KIAA0513: variants seen among roughly 807,000 people sequenced by gnomAD.
The protein encoded by KIAA0513 is KIAA0513.
KIAA0513 carries 39 observed loss-of-function variants against 56.5 expected under a neutral mutation model. The ratio of observed to expected loss-of-function variants is 0.69; its 90% confidence interval spans 0.53 to 0.90. The LOEUF is 0.90. Ranked by LOEUF, KIAA0513 falls within the 40% of genes least tolerant of loss-of-function variation. KIAA0513 has a pLI of 0.00. For synonymous variants in KIAA0513, 268 were observed against 215.6 expected, an observed-to-expected ratio of 1.24 and a Z score of -2.13; for missense variants, 591 against 535.2, an observed-to-expected ratio of 1.10 and a Z score of -1.03.
In KIAA0513 at chr16:85,090,108, A is replaced by G. The variant is rs889028594; in HGVS notation, c.*1783A>G. On this transcript the variant is annotated 3_prime_UTR_variant, in exon 13 of 13. Coordinates refer to ENST00000683363, the MANE Select transcript of KIAA0513 (RefSeq NM_001388359.1). Reference sequence around the variant, plus strand: ...ACCCTTCCCCCATCATTGGGCCCCAACGGGCATGTCTCCACCGAATCCATT... The same window carrying G: ...ACCCTTCCCCCATCATTGGGCCCCAGCGGGCATGTCTCCACCGAATCCATT... 2 of 151,924 alleles carry G rather than the reference A, an allele frequency of 1.3e-5. No individual in the cohort carries two copies. The highest frequency in any genetic ancestry group is 1.5e-5 in the Non-Finnish European group (1 of 68,026). The allele number at this position is 151,924 out of a possible 1,614,324, so 9.4% of individuals were successfully genotyped here.
chr16:85,054,716 C>T (rs539419079), intron 1 of KIAA0513, among the ~76,000 whole-genome samples: 2 of 152,206 alleles, frequency 1.3e-5, no homozygotes, highest in Admixed American at 6.5e-5. Flanking sequence ...AGGCATGAGC[C>T]ACCACGCCCA....
At chr16:85,078,594 C>G in intron 7 of KIAA0513, 139 bp downstream of exon 7, 1 of 778,630 alleles carries the variant, frequency 1.3e-6, no homozygotes, top group South Asian at 1.6e-5. Flanking sequence ...CCAGTTGCTT[C>G]CCAGCTCCCG....
intron 2 of KIAA0513, among the ~76,000 whole-genome samples, chr16:85,071,405 A>G (rs996795816): frequency 6.6e-6 from 1 of 152,208 alleles, no homozygotes; most frequent in Non-Finnish European, 1.5e-5. Flanking sequence ...ATCAAAAACT[A>G]GTGGGAAGTC....
At chr16:85,039,721 C>T (rs67510251) in intron 1 of KIAA0513, among the ~76,000 whole-genome samples, 9,708 of 152,142 alleles carry the variant, frequency 0.064, 950 homozygotes, top group African/African-American at 0.21. Flanking sequence ...GATCCCCCTG[C>T]CTCAGCCTGC....
At chr16:85,082,777 C>T (rs1051447285) in intron 10 of KIAA0513, among the ~76,000 whole-genome samples, 184 bp downstream of exon 10, 5 of 152,204 alleles carry the variant, frequency 3.3e-5, no homozygotes, top group Non-Finnish European at 7.3e-5. Flanking sequence ...GGCAGGCTGG[C>T]AATGCGTCCC....
intron 10 of KIAA0513, among the ~76,000 whole-genome samples, chr16:85,083,107 G>A (rs1218619073): frequency 3.3e-5 from 5 of 152,206 alleles, no homozygotes; most frequent in South Asian, 2.1e-4. Flanking sequence ...TCCTGGGGCC[G>A]CCAGTTTGAG....
chr16:85,027,956 T>C (rs1435146187), intron 1 of KIAA0513, 98 bp downstream of exon 1: 2 of 132,178 alleles, frequency 1.5e-5, no homozygotes, highest in Non-Finnish European at 3.2e-5. Flanking sequence ...CTGCGAGGGG[T>C]GACAGCTGGG....
At chr16:85,031,262 C>G (rs1288691934) in intron 1 of KIAA0513, among the ~76,000 whole-genome samples, 5 of 152,136 alleles carry the variant, frequency 3.3e-5, no homozygotes, top group Non-Finnish European at 7.4e-5. Context: ...GGGCGGATCA[C>G]TTGAGCCCAG....
Position 85,094,038 on chromosome 16 carries a change from C to T in KIAA0513, c.*5713C>T, listed in dbSNP as rs138925846. On this transcript the variant is annotated 3_prime_UTR_variant, in exon 13 of 13. Coordinates refer to ENST00000683363, the MANE Select transcript of KIAA0513 (RefSeq NM_001388359.1). ...AGTGACACCAGTATCTTCTCTGTTGCATTTTTGCAATCTTGTGTCCCGCTC... is the reference window on the plus strand; with the variant it reads ...AGTGACACCAGTATCTTCTCTGTTGTATTTTTGCAATCTTGTGTCCCGCTC... 635 of 152,274 alleles carry T rather than the reference C, an allele frequency of 4.2e-3. 2 individuals carry two copies. Among genetic ancestry groups the T allele is most frequent in the Non-Finnish European group, 5.4e-3 (368 of 68,022 alleles). 9.4% of individuals were successfully genotyped at this position (152,274 alleles called of 1,614,324 possible). A position where few individuals can be genotyped will look rare whatever the true frequency, so the allele number is the denominator to read the frequency against.
Position 85,066,993 on chromosome 16 carries a change from C to G in KIAA0513, c.-79C>G. On this transcript the variant is annotated 5_prime_UTR_variant, in exon 2 of 13. Transcript: ENST00000683363. ...TGAGCTTGGTGGGCTCCTACTAACG[C>G]ACCTGGGACACCAGGCTGCTGGGCT... is the stretch of plus-strand genomic sequence containing the variant. 7.6e-7 allele frequency: 1 copy of G among 1,315,342 alleles called. No individual in the cohort carries two copies. The highest frequency in any genetic ancestry group is 1.4e-5 in the South Asian group (1 of 69,870). The allele number at this position is 1,315,342 out of a possible 1,614,324, so 81.5% of individuals were successfully genotyped here. A position where few individuals can be genotyped will look rare whatever the true frequency, so the allele number is the denominator to read the frequency against.
At chr16:85,065,783 A>G (rs907272982) in intron 1 of KIAA0513, among the ~76,000 whole-genome samples, 1 of 152,184 alleles carries the variant, frequency 6.6e-6, no homozygotes, top group Admixed American at 6.5e-5. Context: ...CTTCCCGCCT[A>G]GCTGTCTGCC....
At position 85,092,762 on chromosome 16, in the gene KIAA0513, T is replaced by G. The variant is rs1164128157; in HGVS notation, c.*4437T>G. On this transcript the variant is annotated 3_prime_UTR_variant, in exon 13 of 13. Coordinates refer to ENST00000683363, the MANE Select transcript of KIAA0513 (RefSeq NM_001388359.1). ...CAGGAAAGGGGAGTCGGATGCCAGC[T>G]GCACCCCGCCTGGCTCGCACAGGCT... The G allele has an allele frequency of 6.6e-6, 1 of 152,258 alleles. No individual in the cohort carries two copies. The highest frequency in any genetic ancestry group is 2.4e-5 in the African/African-American group (1 of 41,454). 9.4% of individuals were successfully genotyped at this position (152,258 alleles called of 1,614,324 possible). A position where few individuals can be genotyped will look rare whatever the true frequency, so the allele number is the denominator to read the frequency against.
At chr16:85,077,845 C>G (rs1400770861) in intron 6 of KIAA0513, among the ~76,000 whole-genome samples, 2 of 152,188 alleles carry the variant, frequency 1.3e-5, no homozygotes, top group African/African-American at 4.8e-5. Flanking sequence ...GGGCCACACT[C>G]CCTGGGACTG....
rs79338793 is a variant in KIAA0513, at chr16:85,051,745, G to A, written c.-172-15155G>A. Reference sequence around the variant, plus strand: ...TGATATGATTATTAGACTCCCTAACGATGCTGGCGGGGTTTGTTTGGGATT... The same window carrying A: ...TGATATGATTATTAGACTCCCTAACAATGCTGGCGGGGTTTGTTTGGGATT... On this transcript the variant is annotated intron_variant, in intron 1 of 12. Transcript: ENST00000683363. 4.7e-4 allele frequency among the ~76,000 whole-genome samples: 72 copies of A among 151,706 alleles called. 2 individuals are homozygous for A. The East Asian group carries it at 0.013, about 28-fold the overall frequency.
intron 3 of KIAA0513, 46 bp downstream of exon 3, chr16:85,071,928 G>C (rs1013083149): frequency 8.0e-7 from 1 of 1,247,788 alleles, no homozygotes; most frequent in Non-Finnish European, 1.2e-6. Context: ...TCTCAAGGAA[G>C]AATCTAGTGA....
chr16:85,055,116 G>A (rs987257649), intron 1 of KIAA0513, among the ~76,000 whole-genome samples: 6 of 152,038 alleles, frequency 3.9e-5, no homozygotes, highest in African/African-American at 1.2e-4. Flanking sequence ...TAGAGACAGA[G>A]TCTCACTGTG....
chr16:85,069,780 GT>G (rs1185243307), intron 2 of KIAA0513, among the ~76,000 whole-genome samples: 1 of 152,058 alleles, frequency 6.6e-6, no homozygotes, highest in Non-Finnish European at 1.5e-5. Flanking sequence ...GAGTGAGAAC[GT>G]GCCCTTTAAC....
chr16:85,035,035 C>A (rs1354933295), intron 1 of KIAA0513, among the ~76,000 whole-genome samples: 1 of 152,244 alleles, frequency 6.6e-6, no homozygotes, highest in Non-Finnish European at 1.5e-5. Flanking sequence ...CCTCTGCCCC[C>A]CTTCCCCAGG....
At chr16:85,045,342 T>TA (rs1449237320) in intron 1 of KIAA0513, among the ~76,000 whole-genome samples, 8 of 152,064 alleles carry the variant, frequency 5.3e-5, no homozygotes, top group African/African-American at 1.9e-4. Context: ...ATTTGATACT[T>TA]AAGCAGAGAC....
Sources: allele counts gnomAD v4.1 joint callset (sites outside exome capture counted in the v4.1 genomes callset), GRCh38; gene constraint gnomAD v4.1.1; transcripts MANE v1.5; gene names NCBI Gene and HGNC (gene_info 2026-07-23, HGNC 2026-07-21).